Variants in PKHD1 observed in about 807,000 individuals in gnomAD.
The protein encoded by PKHD1 is PKHD1 ciliary IPT domain containing fibrocystin/polyductin, also known as fibrocystin.
Under a neutral mutation model 412.0 loss-of-function variants are expected in PKHD1, and 291 were observed. The observed-to-expected ratio is 0.71, with a 90% confidence interval of 0.64 to 0.78. The LOEUF (loss-of-function observed/expected upper bound fraction) is 0.78, where lower values mean the gene tolerates loss of function less well. PKHD1 is among the 30% of genes least tolerant of loss of function. The pLI, the probability that PKHD1 is intolerant of heterozygous loss-of-function variation, is 0.00. For missense variants in PKHD1, 4,825 were observed against 4,950.7 expected (o/e 0.97, Z 0.76); for synonymous variants, 1,777 against 1,821.5 (o/e 0.98, Z 0.62).
In PKHD1 at chr6:51,870,518, C is replaced by G. The variant is rs774331743; in HGVS notation, c.7472G>C (p.Cys2491Ser). The G allele has an allele frequency of 1.2e-6, 2 of 1,611,834 alleles. No individual in the cohort carries two copies. Among genetic ancestry groups the G allele is most frequent in the African/African-American group, 1.3e-5 (1 of 74,858 alleles). Residue 2491 changes from cysteine (C) to serine (S), a missense_variant, in exon 47 of 67, where the codon TGT (cysteine) becomes TCT (serine). By Grantham distance (112) the Cys-to-Ser change is moderately radical. Transcript: ENST00000371117. Reference sequence around the variant, plus strand: ...CAAATAATTACCTTGTCCTTGGGAACAGTCTGAACAGGTTCTAATGGCCAC... The same window carrying G: ...CAAATAATTACCTTGTCCTTGGGAAGAGTCTGAACAGGTTCTAATGGCCAC... The part of the protein sequence containing the change: ...NCVAIRTCSD[C>S]SQGQGGFTVK...
chr6:52,042,267 TG>T (rs1805014884), intron 27 of PKHD1, among the ~76,000 whole-genome samples: 1 of 152,240 alleles, frequency 6.6e-6, no homozygotes, highest in Non-Finnish European at 1.5e-5. Flanking sequence ...CTTTTAAATA[TG>T]TTCTAAGCTG....
chr6:51,682,898 T>C (rs975611443), intron 60 of PKHD1, among the ~76,000 whole-genome samples: 2 of 152,024 alleles, frequency 1.3e-5, no homozygotes, highest in Non-Finnish European at 2.9e-5. Flanking sequence ...CAAAGCAATA[T>C]ACCTGGATAC....
Position 51,649,232 on chromosome 6 carries a change from A to G in PKHD1, c.11175-12T>C, listed in dbSNP as rs1424171216. ...AACTGCTTGTATTTCTGACAGATAT[A>G]AAAACAAACAAAATACATCCTTAGG... is the stretch of plus-strand genomic sequence containing the variant. On this transcript the variant is annotated splice_polypyrimidine_tract_variant and intron_variant, in intron 61 of 66. Transcript: ENST00000371117. The G allele has an allele frequency of 1.9e-6, 3 of 1,593,892 alleles. No homozygotes were observed. In the African/African-American group the frequency reaches 4.0e-5, roughly 21 times the overall value.
At chr6:51,993,082 G>T (rs1797234904) in intron 35 of PKHD1, among the ~76,000 whole-genome samples, 1 of 152,226 alleles carries the variant, frequency 6.6e-6, no homozygotes, top group Non-Finnish European at 1.5e-5. Flanking sequence ...TTTGCTACAG[G>T]CAGCTTAATA....
chr6:52,019,462 C>T (rs1581774885), intron 33 of PKHD1, among the ~76,000 whole-genome samples: 1 of 152,154 alleles, frequency 6.6e-6, no homozygotes, highest in African/African-American at 2.4e-5. Flanking sequence ...CTTGTATGAA[C>T]AGACAAAACA....
rs371730612 is a variant in PKHD1 at position 51,867,878 on chromosome 6, C to T, written c.7718G>A (p.Arg2573His). ...TTCCACTTACAAACCAATAGACATA[C>T]GATGAAAAAGAACACCTCCTCCACA... ...SACGGGVLFHRMSIGLANTPE... is the reference protein window; with the variant it reads ...SACGGGVLFHHMSIGLANTPE... Residue 2573 changes from arginine (R) to histidine (H), a missense_variant, in exon 48 of 67, where the codon CGT (arginine) becomes CAT (histidine). Physicochemically the swap from Arg to His is conservative, Grantham distance 29 (BLOSUM62 0). Transcript: ENST00000371117. The T allele has an allele frequency of 9.9e-6, 16 of 1,613,150 alleles. No homozygotes were observed. The East Asian group carries it at 1.3e-4, about 13-fold the overall frequency.
intron 60 of PKHD1, among the ~76,000 whole-genome samples, chr6:51,719,278 G>T (rs755241360): frequency 6.6e-6 from 1 of 151,892 alleles, no homozygotes; most frequent in African/African-American, 2.4e-5. Flanking sequence ...GCACAATCAC[G>T]GCTCACTGCA....
chr6:51,781,534 G>A (rs1249982539), intron 53 of PKHD1, among the ~76,000 whole-genome samples: 2 of 152,010 alleles, frequency 1.3e-5, no homozygotes, highest in Admixed American at 6.6e-5. Flanking sequence ...CCATAAGGTC[G>A]AGCAAATTAC....
rs142674374 is a variant in PKHD1, at chr6:51,760,321, T to C, written c.8643-5383A>G. 2.7e-3 allele frequency among the ~76,000 whole-genome samples: 414 copies of C among 152,236 alleles called. 2 individuals are homozygous for C. Among genetic ancestry groups the C allele is most frequent in the African/African-American group, 9.6e-3 (399 of 41,572 alleles). ...TTATGTTCTGCTGTGCACTAGACACTAATATACCAAATCAACAATAACAAA... is the reference window on the plus strand; with the variant it reads ...TTATGTTCTGCTGTGCACTAGACACCAATATACCAAATCAACAATAACAAA... On this transcript the variant is annotated intron_variant, in intron 55 of 66. Transcript: ENST00000371117.
chr6:51,955,568 A>G (rs1790997282), intron 36 of PKHD1, among the ~76,000 whole-genome samples: 1 of 152,102 alleles, frequency 6.6e-6, no homozygotes, highest in Non-Finnish European at 1.5e-5. Flanking sequence ...CTGTTGTACG[A>G]GCCCAGTTTT....
At chr6:51,812,558 A>T (rs1428401603) in intron 52 of PKHD1, among the ~76,000 whole-genome samples, 4 of 152,224 alleles carry the variant, frequency 2.6e-5, no homozygotes, top group Non-Finnish European at 2.9e-5. Context: ...TGGAGCAATA[A>T]GGTACTAAAT....
rs747662985 is a variant in PKHD1 at position 52,053,181 on chromosome 6, C to T, written c.2035G>A (p.Ala679Thr). 6 of 1,614,042 alleles carry T rather than the reference C, an allele frequency of 3.7e-6. No homozygotes were observed. The South Asian group carries it at 4.4e-5, about 12-fold the overall frequency. ...RCFGDLQPPP[A>T]NSPVLVHQIN... ...TGATGAACCAGCACTGGGGAGTTTG[C>T]CGGAGGGGGCTGGAGATCCCCGAAG... The change falls in exon 21 of 67, where the codon GCA becomes ACA. Residue 679 changes from alanine to threonine, a missense_variant. Ala to Thr is a moderately conservative substitution (Grantham distance 58). Coordinates refer to ENST00000371117, the MANE Select transcript of PKHD1 (RefSeq NM_138694.4).
At chr6:51,625,475 C>T (rs1046423963) in intron 66 of PKHD1, among the ~76,000 whole-genome samples, 1 of 152,114 alleles carries the variant, frequency 6.6e-6, no homozygotes, top group Non-Finnish European at 1.5e-5. Context: ...CTGCTGTGAT[C>T]CCCAGAGGAG....
At chr6:51,975,724 TAGG>T (rs1368379063) in intron 35 of PKHD1, 1 of 151,338 alleles carries the variant, frequency 6.6e-6, no homozygotes, top group Non-Finnish European at 1.5e-5. Flanking sequence ...TGCTTGAATC[TAGG>T]AGTTCTGAGC....
chr6:52,033,715 T>C lies in PKHD1; in HGVS notation c.3229-550A>G, dbSNP rs565968196. Among the ~76,000 whole-genome samples, 76 of 152,134 alleles carry C rather than the reference T, an allele frequency of 5.0e-4. 1 individual carries two copies. Among genetic ancestry groups the C allele is most frequent in the African/African-American group, 1.7e-3 (69 of 41,542 alleles). Reference sequence around the variant, plus strand: ...AAAGTAAGTACTAGGATAAAATCTGTAGAATAAACCTAGAAAATAAGCAGG... The same window carrying C: ...AAAGTAAGTACTAGGATAAAATCTGCAGAATAAACCTAGAAAATAAGCAGG... On this transcript the variant is annotated intron_variant, in intron 28 of 66. Transcript: ENST00000371117.
chr6:51,802,961 ATTTG>A lies in PKHD1; in HGVS notation c.8303-11592_8303-11589del, dbSNP rs1191725730. Reference sequence around the variant, plus strand: ...CTTAAAAATAAGATGCTTGTATCCTATTTGTTTGTTAAATATACATATATTATAT... The same window carrying A: ...CTTAAAAATAAGATGCTTGTATCCTATTTGTTAAATATACATATATTATAT... On this transcript the variant is annotated intron_variant, in intron 52 of 66. Transcript: ENST00000371117. 1.5e-5 allele frequency among the ~76,000 whole-genome samples: 2 copies of A among 135,384 alleles called. 1 individual carries two copies. Among genetic ancestry groups the A allele is most frequent in the African/African-American group, 5.5e-5 (2 of 36,216 alleles). The allele number at this position is 135,384 out of a possible 152,430, so 88.8% of individuals were successfully genotyped here. A position where few individuals can be genotyped will look rare whatever the true frequency, so the allele number is the denominator to read the frequency against.
chr6:52,027,682 C>T (rs930677402), intron 31 of PKHD1, 147 bp downstream of exon 31: 15 of 680,096 alleles, frequency 2.2e-5, no homozygotes, highest in African/African-American at 2.0e-4. Context: ...TTTAAAAACA[C>T]CCCTCAGTTC....
chr6:51,829,490 G>C (rs1767887169), intron 52 of PKHD1, among the ~76,000 whole-genome samples: 1 of 152,144 alleles, frequency 6.6e-6, no homozygotes, highest in Admixed American at 6.5e-5. Context: ...CCGCTGGCTA[G>C]ATTCATCAAA....
At position 52,084,928 on chromosome 6, in the gene PKHD1, A is replaced by G. The variant is rs372067956; in HGVS notation, c.6T>C (p.Thr2=). ...TACTCATCAGAGAGATCAGCCAGGC[A>G]GTCATTCTGTCCACTTAAATCAATA... M[T]AWLISLMSIE... The change falls in exon 2 of 67, where the codon ACT becomes ACC. Residue 2 remains threonine, a synonymous_variant. Transcript: ENST00000371117. 1.9e-5 allele frequency: 31 copies of G among 1,603,166 alleles called. No homozygotes were observed. Among genetic ancestry groups the G allele is most frequent in the Non-Finnish European group, 2.6e-5 (30 of 1,170,168 alleles).
Sources: gnomAD v4.1 joint callset for allele counts (sites outside exome capture counted in the v4.1 genomes callset) on GRCh38, gnomAD v4.1.1 for gene constraint, MANE v1.5 for transcripts, NCBI Gene and HGNC (gene_info 2026-07-23, HGNC 2026-07-21) for gene names.